Variants in FAAH2 observed in about 807,000 individuals in gnomAD.
The protein encoded by FAAH2 is fatty acid amide hydrolase 2, also known as fatty-acid amide hydrolase 2.
In FAAH2, 60 loss-of-function variants were observed where a neutral mutation model predicts 36.9. That is an observed-to-expected ratio of 1.63 (90% CI 1.32 to 2.02). FAAH2 has a LOEUF of 2.02. Among genes scored for constraint, FAAH2 ranks in the 30% most tolerant of loss-of-function variants. The pLI is 0.00. For missense variants in FAAH2, 689 were observed against 397.5 expected (o/e 1.73, Z -6.23); for synonymous variants, 214 against 143.8 (o/e 1.49, Z -3.49).
chrX:57,387,522 A>C (rs1361629997), intron 7 of FAAH2, among the ~76,000 whole-genome samples: 2 of 111,420 alleles, frequency 1.8e-5, no homozygotes, highest in Non-Finnish European at 3.8e-5. Context: ...ATGCCTACAG[A>C]CTCTAAAAAT....
the FAAH2 span, among the ~76,000 whole-genome samples, chrX:57,217,115 G>C: frequency 2.7e-5 from 3 of 110,862 alleles, no homozygotes; most frequent in Non-Finnish European, 5.7e-5. Context: ...CCCACTTTTT[G>C]ATGGGATTGA....
intron 7 of FAAH2, chrX:57,394,595 A>C: frequency 8.5e-7 from 1 of 1,172,331 alleles, no homozygotes; most frequent in Non-Finnish European, 1.2e-6. Context: ...AGTGCTCTGC[A>C]TGAGCATTGC....
At chrX:57,280,215 G>T in the FAAH2 span, among the ~76,000 whole-genome samples, 1 of 110,826 alleles carries the variant, frequency 9.0e-6, no homozygotes, top group African/African-American at 3.3e-5. Context: ...AAAAATCTAA[G>T]CAGATCTTTT....
chrX:57,294,337 T>A (rs2146801355), intron 2 of FAAH2, among the ~76,000 whole-genome samples: 1 of 112,237 alleles, frequency 8.9e-6, no homozygotes, highest in East Asian at 2.8e-4. Flanking sequence ...TGAACTTTAA[T>A]TATGCTGGCT....
chrX:57,258,225 G>A, the FAAH2 span, among the ~76,000 whole-genome samples: 1 of 110,671 alleles, frequency 9.0e-6, no homozygotes, highest in Non-Finnish European at 1.9e-5. Flanking sequence ...AGTAGTGATG[G>A]GAAATTGAAT....
chrX:57,477,644 C>G (rs1259071970), intron 10 of FAAH2, among the ~76,000 whole-genome samples: 1 of 104,445 alleles, frequency 9.6e-6, no homozygotes, highest in East Asian at 3.1e-4. Flanking sequence ...CCCCGCTCCC[C>G]CAACCCCACA....
the FAAH2 span, among the ~76,000 whole-genome samples, chrX:57,157,641 G>T: frequency 1.8e-5 from 2 of 111,145 alleles, no homozygotes; most frequent in African/African-American, 6.5e-5. Flanking sequence ...CCTCTTGAAT[G>T]CATTTTTTCT....
At chrX:57,172,827 G>T in the FAAH2 span, among the ~76,000 whole-genome samples, 1 of 111,365 alleles carries the variant, frequency 9.0e-6, no homozygotes, top group African/African-American at 3.3e-5. Context: ...CATTCCTCTC[G>T]ACGTCCAGCC....
intron 2 of FAAH2, among the ~76,000 whole-genome samples, chrX:57,301,548 C>T (rs950862690): frequency 7.5e-5 from 8 of 107,096 alleles, no homozygotes; most frequent in Admixed American, 2.0e-4. Flanking sequence ...ACCAACATGG[C>T]GCATGTATAC....
chrX:57,378,037 C>A (rs960093244), intron 5 of FAAH2, among the ~76,000 whole-genome samples: 3 of 111,681 alleles, frequency 2.7e-5, no homozygotes, highest in Non-Finnish European at 3.8e-5. Flanking sequence ...AAGTTTTGGG[C>A]TGAGAGATTG....
At chrX:57,423,370 C>G (rs1318528088) in intron 7 of FAAH2, among the ~76,000 whole-genome samples, 1 of 111,321 alleles carries the variant, frequency 9.0e-6, no homozygotes, top group African/African-American at 3.3e-5. Flanking sequence ...GAGCTCTTCC[C>G]TTGGCAGGAC....
chrX:57,286,983 G>A lies in FAAH2; in HGVS notation c.158G>A (p.Gly53Glu), dbSNP rs780846459. Residue 53 changes from glycine to glutamate, a missense_variant, in exon 1 of 11, where the codon GGG becomes GAG. Transcript: ENST00000374900. ...ACTGAACCATTGCTTCTGCTTTCGG[G>A]GATGCAGCTGGCCAAGCTGATCCGA... Reference protein sequence around the residue: ...PVTEPLLLLSGMQLAKLIRQR... With the variant: ...PVTEPLLLLSEMQLAKLIRQR... 5.0e-6 allele frequency: 6 copies of A among 1,197,817 alleles called. No individual in the cohort carries two copies. Among genetic ancestry groups the A allele is most frequent in the South Asian group, 1.8e-5 (1 of 54,623 alleles).
the FAAH2 span, among the ~76,000 whole-genome samples, chrX:57,131,336 C>T: frequency 9.1e-6 from 1 of 110,310 alleles, no homozygotes; most frequent in African/African-American, 3.3e-5. Context: ...CCACCCGCCT[C>T]GGCCTCCCAA....
At chrX:57,410,546 G>A (rs1196444737) in intron 7 of FAAH2, among the ~76,000 whole-genome samples, 1 of 111,114 alleles carries the variant, frequency 9.0e-6, no homozygotes, top group Non-Finnish European at 1.9e-5. Flanking sequence ...ATCAACATTG[G>A]ACCATATAAC....
chrX:57,238,550 T>C, the FAAH2 span, among the ~76,000 whole-genome samples: 83 of 111,437 alleles, frequency 7.4e-4, no homozygotes, highest in Non-Finnish European at 1.4e-3. Flanking sequence ...ATGTGGGTGA[T>C]GGAACAATTT....
chrX:57,192,632 C>A, the FAAH2 span, among the ~76,000 whole-genome samples: 1 of 111,361 alleles, frequency 9.0e-6, no homozygotes, highest in Non-Finnish European at 1.9e-5. Context: ...CCATCTACAG[C>A]CAGTTTGTTG....
chrX:57,125,174 G>A, the FAAH2 span, among the ~76,000 whole-genome samples: 11 of 112,713 alleles, frequency 9.8e-5, no homozygotes, highest in South Asian at 3.7e-4. Context: ...TTTGAGACAC[G>A]TCCCATCAAT....
the FAAH2 span, among the ~76,000 whole-genome samples, chrX:57,202,206 T>C: frequency 8.9e-6 from 1 of 112,202 alleles, no homozygotes; most frequent in Non-Finnish European, 1.9e-5. Flanking sequence ...TAAATGTTCA[T>C]TAGTGTCTGA....
chrX:57,371,646 G>T (rs1393822763), intron 5 of FAAH2, among the ~76,000 whole-genome samples: 12 of 99,327 alleles, frequency 1.2e-4, no homozygotes, highest in Non-Finnish European at 2.3e-4. Context: ...TTGGGGGGGG[G>T]GTTACTTTCA....
Sources: allele counts gnomAD v4.1 joint callset (sites outside exome capture counted in the v4.1 genomes callset), GRCh38; gene constraint gnomAD v4.1.1; transcripts MANE v1.5; gene names NCBI Gene and HGNC (gene_info 2026-07-23, HGNC 2026-07-21).